The following ELMOD3 variants were observed in gnomAD, a reference collection of about 807,000 sequenced individuals.
ELMOD3 encodes the protein ELMO domain containing 3, also known as ELMO domain-containing protein 3.
Under a neutral mutation model 47.4 loss-of-function variants are expected in ELMOD3, and 36 were observed. The observed-to-expected ratio is 0.76, with a 90% CI of 0.58 to 1.00. ELMOD3 has a LOEUF of 1.00. Ranked by LOEUF, ELMOD3 falls within the 50% of genes least tolerant of loss-of-function variation. The pLI is 0.00. For synonymous variants in ELMOD3, 149 were observed against 183.5 expected (o/e 0.81, Z 1.52); for missense variants, 404 against 463.8 (o/e 0.87, Z 1.18).
chr2:85,366,252 T>C (rs936858105), intron 6 of ELMOD3, among the ~76,000 whole-genome samples: 2 of 152,002 alleles, frequency 1.3e-5, no homozygotes, highest in Non-Finnish European at 2.9e-5. Flanking sequence ...ATTATAGGCG[T>C]GAGCCACCGC....
chr2:85,364,825 A>ATATATATATATATTTTTTTTTTT (rs375582916), intron 6 of ELMOD3, among the ~76,000 whole-genome samples: 1 of 69,892 alleles, frequency 1.4e-5, no homozygotes, highest in African/African-American at 6.7e-5. Flanking sequence ...ATATATATAT[A>ATATATATATATATTTTTTTTTTT]TTTTTTTTTT....
intron 5 of ELMOD3, 100 bp downstream of exon 5, chr2:85,362,360 C>T (rs893101691): frequency 1.2e-6 from 1 of 804,798 alleles, no homozygotes; most frequent in Non-Finnish European, 2.2e-6. Flanking sequence ...ACAAGGGTGG[C>T]ATAGACCTTA....
chr2:85,373,050 T>A (rs1453911201), intron 10 of ELMOD3: 4 of 151,754 alleles, frequency 2.6e-5, no homozygotes, highest in African/African-American at 9.7e-5. Context: ...AGGTCAACAG[T>A]CTGAGACCAG....
At chr2:85,364,138 CTT>C (rs869156957) in intron 6 of ELMOD3, among the ~76,000 whole-genome samples, 19 of 118,720 alleles carry the variant, frequency 1.6e-4, no homozygotes, top group Non-Finnish European at 2.0e-4. Flanking sequence ...AAAAAATACT[CTT>C]TTTTTTTTTT....
chr2:85,370,082 G>A (rs1193728930), intron 8 of ELMOD3, among the ~76,000 whole-genome samples: 1 of 152,148 alleles, frequency 6.6e-6, no homozygotes, highest in Non-Finnish European at 1.5e-5. Flanking sequence ...CCCTTTTAGG[G>A]ATGGGGACAT....
Position 85,355,592 on chromosome 2 carries a change from C to T in ELMOD3, c.-239C>T, listed in dbSNP as rs1683491757. On this transcript the variant is annotated 5_prime_UTR_variant, in exon 3 of 14. Coordinates refer to ENST00000409013, the MANE Select transcript of ELMOD3 (RefSeq NM_001135022.2). Reference sequence around the variant, plus strand: ...CCTACTGAAGGCCCCAGGAGTGCTCCAGCCAGGTGTGGAAAGCTGGTCACG... The same window carrying T: ...CCTACTGAAGGCCCCAGGAGTGCTCTAGCCAGGTGTGGAAAGCTGGTCACG... The T allele has an allele frequency of 6.6e-6, 1 of 152,204 alleles. No homozygotes were observed. The highest frequency in any genetic ancestry group is 6.5e-5 in the Admixed American group (1 of 15,278). 9.4% of individuals were successfully genotyped at this position (152,204 alleles called of 1,614,324 possible).
intron 11 of ELMOD3, among the ~76,000 whole-genome samples, chr2:85,388,508 G>A (rs979420630): frequency 2.0e-5 from 3 of 152,188 alleles, no homozygotes; most frequent in African/African-American, 4.8e-5. Flanking sequence ...GTTTCACAGA[G>A]GTTGGGTGAC....
rs756654016 is a variant in ELMOD3, at chr2:85,363,131, C to T, written c.164C>T (p.Ala55Val). ...SELKNHGILQ[A>V]LTTEAYEWEP... ...TTGAAGAACCATGGCATTCTCCAGG[C>T]TCTGACCACAGAAGCTTATGAATGG... is the stretch of plus-strand genomic sequence containing the variant. The change falls in exon 6 of 14, where the codon GCT (alanine) becomes GTT (valine). Residue 55 changes from alanine (A) to valine (V), a missense_variant. Transcript: ENST00000409013. The T allele has an allele frequency of 1.2e-6, 2 of 1,612,726 alleles. No individual in the cohort carries two copies. The highest frequency in any genetic ancestry group is 1.7e-6 in the Non-Finnish European group (2 of 1,178,842).
intron 11 of ELMOD3, among the ~76,000 whole-genome samples, chr2:85,382,798 G>A (rs1209608799): frequency 6.6e-6 from 1 of 152,032 alleles, no homozygotes; most frequent in Non-Finnish European, 1.5e-5. Flanking sequence ...TTACAGGCGT[G>A]AGCCACCGCG....
intron 11 of ELMOD3, among the ~76,000 whole-genome samples, chr2:85,378,347 T>C (rs1009716837): frequency 3.3e-5 from 5 of 152,342 alleles, no homozygotes; most frequent in Admixed American, 3.3e-4. Context: ...TTGCCAAGGT[T>C]GAGAACACAT....
rs989833561 is a variant in ELMOD3 at position 85,363,032 on chromosome 2, A to G, written c.130-65A>G. ...AAGGACATTCAGTACAGTGGGTGGG[A>G]AGCGTTTGTGTATATGGGGGTATGT... On this transcript the variant is annotated intron_variant, in intron 5 of 13. Transcript: ENST00000409013. 2.3e-5 allele frequency: 23 copies of G among 980,048 alleles called. 1 individual carries two copies. The highest frequency in any genetic ancestry group is 3.4e-5 in the Non-Finnish European group (21 of 614,014). 60.7% of individuals were successfully genotyped at this position (980,048 alleles called of 1,614,324 possible). A position where few individuals can be genotyped will look rare whatever the true frequency, so the allele number is the denominator to read the frequency against.
Position 85,369,798 on chromosome 2 carries a change from C to A in ELMOD3, c.328C>A (p.His110Asn). The change falls in exon 8 of 14, where the codon CAC (histidine) becomes AAC (asparagine). Residue 110 changes from histidine to asparagine, a missense_variant. By Grantham distance (68) the His-to-Asn change is moderately conservative (BLOSUM62 1). Transcript: ENST00000409013. ...QLISFSEALQ[H>N]FQTVDLSPFK... Reference sequence around the variant, plus strand: ...AATCTCCTTCAGTGAGGCCCTGCAGCACTTCCAGACTGTGGACCTTTCCCC... The same window carrying A: ...AATCTCCTTCAGTGAGGCCCTGCAGAACTTCCAGACTGTGGACCTTTCCCC... 6.2e-7 allele frequency: 1 copy of A among 1,614,146 alleles called. No homozygotes were observed. The highest frequency in any genetic ancestry group is 1.1e-5 in the South Asian group (1 of 91,082).
chr2:85,365,410 G>A (rs1684314689), intron 6 of ELMOD3, among the ~76,000 whole-genome samples: 1 of 151,742 alleles, frequency 6.6e-6, no homozygotes, highest in South Asian at 2.1e-4. Context: ...TAAATAAGCT[G>A]ACTCAATTGG....
intron 4 of ELMOD3, among the ~76,000 whole-genome samples, chr2:85,361,824 G>A (rs889819927): frequency 1.4e-4 from 22 of 152,164 alleles, no homozygotes; most frequent in Middle Eastern, 3.4e-3. Context: ...CCAGCTACTC[G>A]GAAGGCTGAG....
intron 6 of ELMOD3, 89 bp from the exon 7 acceptor site, chr2:85,368,597 C>T (rs531925938): frequency 1.5e-6 from 2 of 1,375,846 alleles, no homozygotes; most frequent in Non-Finnish European, 2.0e-6. Context: ...AAAAAATAGG[C>T]CCAAGGCAGG....
In ELMOD3 at chr2:85,356,961, G is replaced by A; in HGVS notation, c.-232-6G>A. 1 of 358,144 alleles carries A rather than the reference G, an allele frequency of 2.8e-6. No homozygotes were observed. Among genetic ancestry groups the A allele is most frequent in the Non-Finnish European group, 5.0e-6 (1 of 201,612 alleles). 22.2% of individuals were successfully genotyped at this position (358,144 alleles called of 1,614,324 possible). A position where few individuals can be genotyped will look rare whatever the true frequency, so the allele number is the denominator to read the frequency against. On this transcript the variant is annotated splice_polypyrimidine_tract_variant and splice_region_variant and intron_variant, in intron 3 of 13. Transcript: ENST00000409013. Reference sequence around the variant, plus strand: ...TTTTTCAATTTCTTTTTTTTCTTTTGTGCAGAGCTGAGGCTTCGAAGACCT... The same window carrying A: ...TTTTTCAATTTCTTTTTTTTCTTTTATGCAGAGCTGAGGCTTCGAAGACCT...
intron 6 of ELMOD3, among the ~76,000 whole-genome samples, chr2:85,364,821 ATATATTTTTT>A (rs1232218562): frequency 4.4e-3 from 391 of 89,124 alleles, no homozygotes; most frequent in African/African-American, 0.021. Context: ...ATATATATAT[ATATATTTTTT>A]TTTTTTTTTT....
chr2:85,378,441 A>G (rs1256507568), intron 11 of ELMOD3, among the ~76,000 whole-genome samples: 1 of 152,176 alleles, frequency 6.6e-6, no homozygotes, highest in Admixed American at 6.5e-5. Context: ...TTTTAGGGAG[A>G]CATGAGACAT....
At chr2:85,367,079 T>TA (rs1462690326) in intron 6 of ELMOD3, among the ~76,000 whole-genome samples, 3 of 152,230 alleles carry the variant, frequency 2.0e-5, no homozygotes, top group Non-Finnish European at 4.4e-5. Context: ...TTCTCCCCCT[T>TA]ATATTGTGCT....
Sources: gnomAD v4.1 joint callset for allele counts (sites outside exome capture counted in the v4.1 genomes callset) on GRCh38, gnomAD v4.1.1 for gene constraint, MANE v1.5 for transcripts, NCBI Gene and HGNC (gene_info 2026-07-23, HGNC 2026-07-21) for gene names.